TRHDE: variants seen among roughly 807,000 people sequenced by gnomAD.
The protein encoded by TRHDE is thyrotropin-releasing hormone-degrading ectoenzyme.
A neutral mutation model predicts 125.7 loss-of-function variants in TRHDE; 72 were observed. The ratio of observed to expected loss-of-function variants is 0.57; its 90% CI spans 0.47 to 0.70. TRHDE has a LOEUF of 0.70. Among genes scored for constraint, TRHDE ranks in the 30% least tolerant of loss-of-function variants. TRHDE has a pLI of 0.00. For missense variants in TRHDE, 1,110 were observed against 1,327.1 expected (o/e 0.84, Z 2.54); for synonymous variants, 509 against 509.1 (o/e 1.00, Z 0.00).
chr12:72,128,671 T>C (rs916676933), intron 2 of TRHDE, among the ~76,000 whole-genome samples: 3 of 152,174 alleles, frequency 2.0e-5, no homozygotes, highest in Admixed American at 2.0e-4. Context: ...GCAGATGACA[T>C]ATCACAGATG....
chr12:72,632,502 T>C (rs1218070588), intron 15 of TRHDE, among the ~76,000 whole-genome samples: 1 of 152,066 alleles, frequency 6.6e-6, no homozygotes, highest in Admixed American at 6.6e-5. Context: ...ACTACAATTG[T>C]ATACCTCTTA....
chr12:72,533,428 C>T (rs1461286949), intron 6 of TRHDE, among the ~76,000 whole-genome samples: 2 of 152,132 alleles, frequency 1.3e-5, no homozygotes, highest in African/African-American at 4.8e-5. Context: ...CCACCCTGGA[C>T]TCCCAAAGTG....
At chr12:72,635,709 C>G (rs1375908748) in intron 15 of TRHDE, among the ~76,000 whole-genome samples, 2 of 150,566 alleles carry the variant, frequency 1.3e-5, no homozygotes, top group Non-Finnish European at 3.0e-5. Flanking sequence ...CCAGTTTCAG[C>G]TTTCTACATA....
At chr12:72,278,460 T>G (rs957910768) in intron 1 of TRHDE, among the ~76,000 whole-genome samples, 1 of 152,194 alleles carries the variant, frequency 6.6e-6, no homozygotes, top group Non-Finnish European at 1.5e-5. Flanking sequence ...CCACCAGTAG[T>G]GGGATTGCCA....
At chr12:72,474,820 C>T (rs1352461662) in intron 5 of TRHDE, among the ~76,000 whole-genome samples, 1 of 147,316 alleles carries the variant, frequency 6.8e-6, no homozygotes, top group Non-Finnish European at 1.5e-5. Context: ...TGTAAGTCAT[C>T]ATATAACTTC....
chr12:72,102,414 T>A (rs1875089253), intron 1 of TRHDE, among the ~76,000 whole-genome samples: 1 of 152,180 alleles, frequency 6.6e-6, no homozygotes, highest in South Asian at 2.1e-4. Context: ...TTCGATAGGT[T>A]CATTGAATAC....
intron 2 of TRHDE, among the ~76,000 whole-genome samples, chr12:72,113,541 T>C (rs1243677416): frequency 6.6e-6 from 1 of 152,004 alleles, no homozygotes; most frequent in Non-Finnish European, 1.5e-5. Flanking sequence ...CAAGTGATCC[T>C]CCTGCCTCAG....
At chr12:72,652,608 T>TA in intron 16 of TRHDE, 119 bp downstream of exon 16, 1 of 646,980 alleles carries the variant, frequency 1.5e-6, no homozygotes, top group Non-Finnish European at 2.4e-6. Context: ...TATATCTTCC[T>TA]AAACATGAGG....
intron 3 of TRHDE, among the ~76,000 whole-genome samples, chr12:72,460,454 C>A (rs1460264855): frequency 6.6e-6 from 1 of 152,022 alleles, no homozygotes; most frequent in South Asian, 2.1e-4. Context: ...TTGTTTGTAA[C>A]CCCCATTGGT....
At chr12:72,512,550 ATAATCATATATAAT>A (rs887666917) in intron 6 of TRHDE, among the ~76,000 whole-genome samples, 2 of 139,504 alleles carry the variant, frequency 1.4e-5, no homozygotes, top group Non-Finnish European at 3.1e-5. Context: ...ATATTCATAT[ATAATCATATATAAT>A]ATAATATATA....
At chr12:72,549,784 T>A (rs1206036840) in intron 7 of TRHDE, among the ~76,000 whole-genome samples, 2 of 151,720 alleles carry the variant, frequency 1.3e-5, no homozygotes, top group African/African-American at 4.8e-5. Flanking sequence ...ACAAATACTT[T>A]AAAAAAAGTA....
chr12:72,134,512 A>G (rs1213020702), intron 2 of TRHDE, among the ~76,000 whole-genome samples: 1 of 152,150 alleles, frequency 6.6e-6, no homozygotes, highest in African/African-American at 2.4e-5. Flanking sequence ...CAAGTTCCTA[A>G]GAGGGGCCCT....
intron 2 of TRHDE, among the ~76,000 whole-genome samples, chr12:72,349,934 A>C (rs1389557924): frequency 6.6e-6 from 1 of 152,004 alleles, no homozygotes; most frequent in Non-Finnish European, 1.5e-5. Context: ...GCTTGTCCTT[A>C]CATAGATCTA....
At chr12:72,228,562 C>T (rs1002435759) in intron 2 of TRHDE, among the ~76,000 whole-genome samples, 1 of 152,160 alleles carries the variant, frequency 6.6e-6, no homozygotes, top group African/African-American at 2.4e-5. Flanking sequence ...ATTGTCTTTA[C>T]TTATGCAAAT....
In TRHDE at chr12:72,120,421, C is replaced by T. The variant is rs1231410796; in HGVS notation, n.279+14669C>T. Among the ~76,000 whole-genome samples the T allele has an allele frequency of 5.3e-5, 8 of 151,836 alleles. 1 individual carries two copies. The highest frequency in any genetic ancestry group is 1.2e-4 in the Non-Finnish European group (8 of 67,986). On this transcript the variant is annotated intron_variant and non_coding_transcript_variant, in intron 2 of 4. Coordinates refer to the TRHDE transcript ENST00000548156. ...TCTTTCTTCTTTCCTTCCTTCCTGTCTTCCTTTAATTTGATCACCTTCCTT... is the reference window on the plus strand; with the variant it reads ...TCTTTCTTCTTTCCTTCCTTCCTGTTTTCCTTTAATTTGATCACCTTCCTT...
chr12:72,562,158 C>T lies in TRHDE; in HGVS notation c.1789-7C>T. The T allele has an allele frequency of 7.2e-7, 1 of 1,395,178 alleles. No individual in the cohort carries two copies. Among genetic ancestry groups the T allele is most frequent in the Non-Finnish European group, 1.0e-6 (1 of 992,672 alleles). The allele number at this position is 1,395,178 out of a possible 1,614,324, so 86.4% of individuals were successfully genotyped here. A position where few individuals can be genotyped will look rare whatever the true frequency, so the allele number is the denominator to read the frequency against. ...TGAATTACAATTACAATTTTATATTCTTGTAGGATTATTTAACCATTCATA... is the reference window on the plus strand; with the variant it reads ...TGAATTACAATTACAATTTTATATTTTTGTAGGATTATTTAACCATTCATA... On this transcript the variant is annotated splice_polypyrimidine_tract_variant and splice_region_variant and intron_variant, in intron 7 of 18. Transcript: ENST00000261180.
chr12:72,378,202 A>G, intron 3 of TRHDE, 81 bp downstream of exon 3: 3 of 1,286,946 alleles, frequency 2.3e-6, no homozygotes, highest in South Asian at 4.4e-5. Flanking sequence ...TGAGCCATCC[A>G]GAAGCATGAA....
At chr12:72,216,277 G>T (rs1403392126) in intron 2 of TRHDE, among the ~76,000 whole-genome samples, 1 of 152,098 alleles carries the variant, frequency 6.6e-6, no homozygotes, top group African/African-American at 2.4e-5. Context: ...ACTAAAGCAT[G>T]CCAGCTCCGT....
chr12:72,227,001 C>T (rs1056642014), intron 2 of TRHDE, among the ~76,000 whole-genome samples: 1 of 152,108 alleles, frequency 6.6e-6, no homozygotes, highest in Admixed American at 6.6e-5. Flanking sequence ...GAAAATTTCC[C>T]ATGGCATTTG....
Sources: allele counts gnomAD v4.1 joint callset (sites outside exome capture counted in the v4.1 genomes callset), GRCh38; gene constraint gnomAD v4.1.1; transcripts MANE v1.5; gene names NCBI Gene and HGNC (gene_info 2026-07-23, HGNC 2026-07-21).